HFM1: variants seen among roughly 807,000 people sequenced by gnomAD.
The protein encoded by HFM1 is probable ATP-dependent DNA helicase HFM1.
A neutral mutation model predicts 192.1 loss-of-function variants in HFM1; 169 were observed. The ratio of observed to expected loss-of-function variants is 0.88; its 90% CI spans 0.78 to 1.00. The LOEUF is 1.00. Ranked by LOEUF, HFM1 falls within the 50% of genes least tolerant of loss-of-function variation. The pLI is 0.00. For synonymous variants in HFM1, 525 were observed against 537.8 expected (o/e 0.98, Z 0.33); for missense variants, 1,661 against 1,668.0 (o/e 1.00, Z 0.07).
At chr1:91,284,833 C>T (rs559721489) in intron 30 of HFM1, among the ~76,000 whole-genome samples, 2 of 152,238 alleles carry the variant, frequency 1.3e-5, no homozygotes, top group South Asian at 2.1e-4. Flanking sequence ...GAACTATAAC[C>T]ATATGTGAGA....
At chr1:91,381,687 T>C (rs538420222) in intron 6 of HFM1, among the ~76,000 whole-genome samples, 27 of 152,264 alleles carry the variant, frequency 1.8e-4, no homozygotes, top group African/African-American at 4.1e-4. Flanking sequence ...TTGAACACTA[T>C]ATACAGAATA....
At chr1:91,367,500 G>A (rs1358331770) in intron 13 of HFM1, among the ~76,000 whole-genome samples, 1 of 152,192 alleles carries the variant, frequency 6.6e-6, no homozygotes, top group Non-Finnish European at 1.5e-5. Flanking sequence ...ACAGGGTCTG[G>A]AGTGGACCTC....
chr1:91,329,984 G>A (rs1653566850), intron 20 of HFM1, among the ~76,000 whole-genome samples: 1 of 152,196 alleles, frequency 6.6e-6, no homozygotes, highest in Admixed American at 6.5e-5. Context: ...GCGCATCTTA[G>A]CAGATGGGAG....
intron 30 of HFM1, among the ~76,000 whole-genome samples, chr1:91,303,192 C>T (rs1167516118): frequency 6.6e-6 from 1 of 152,196 alleles, no homozygotes; most frequent in East Asian, 1.9e-4. Context: ...TTCCTGCCCT[C>T]AACCCCTGAC....
intron 13 of HFM1, among the ~76,000 whole-genome samples, chr1:91,366,715 T>G (rs1257190761): frequency 1.3e-5 from 2 of 152,184 alleles, no homozygotes; most frequent in Non-Finnish European, 2.9e-5. Flanking sequence ...GACAGGTGAT[T>G]TCTGCATTTC....
chr1:91,368,300 T>A (rs1301540046), intron 13 of HFM1, among the ~76,000 whole-genome samples: 1 of 152,108 alleles, frequency 6.6e-6, no homozygotes, highest in African/African-American at 2.4e-5. Flanking sequence ...AATTGTCAGA[T>A]TCACCAAAGT....
At chr1:91,357,862 AT>A (rs2101798040) in intron 13 of HFM1, among the ~76,000 whole-genome samples, 1 of 152,232 alleles carries the variant, frequency 6.6e-6, no homozygotes, top group East Asian at 1.9e-4. Flanking sequence ...GCATAAAAAA[AT>A]AAAATGCTTA....
Position 91,385,712 on chromosome 1 carries a change from T to C in HFM1, c.617A>G (p.Tyr206Cys), listed in dbSNP as rs138827341. ...TEMNKGKSRN[Y>C]SNSKQKFQYS... is the part of the protein sequence containing the mutation. ...CTGAAATTTTTGCTTACTATTGCTA[T>C]AGTTCCTTGATTTCCCTTTGTTCAT... Residue 206 changes from tyrosine to cysteine, a missense_variant, in exon 5 of 39, where the codon TAT becomes TGT. Tyr to Cys is a radical substitution (Grantham distance 194). Coordinates refer to ENST00000370425, the MANE Select transcript of HFM1 (RefSeq NM_001017975.6). 4.6e-5 allele frequency: 74 copies of C among 1,612,768 alleles called. No homozygotes were observed. In the African/African-American group the frequency reaches 9.3e-4, roughly 20 times the overall value.
intron 30 of HFM1, among the ~76,000 whole-genome samples, chr1:91,283,066 T>C (rs1177674238): frequency 6.6e-6 from 1 of 152,164 alleles, no homozygotes; most frequent in East Asian, 1.9e-4. Flanking sequence ...ACATGGATAC[T>C]ACCTGACGAA....
chr1:91,273,914 C>T, intron 33 of HFM1, 99 bp from the exon 34 acceptor site: 1 of 681,080 alleles, frequency 1.5e-6, no homozygotes, highest in Non-Finnish European at 2.4e-6. Flanking sequence ...ATGATTTATC[C>T]ATTTAACACT....
Position 91,394,419 on chromosome 1 carries a change from T to A in HFM1, c.185-17A>T. 3.8e-6 allele frequency: 5 copies of A among 1,318,040 alleles called. No homozygotes were observed. The highest frequency in any genetic ancestry group is 5.3e-6 in the Non-Finnish European group (5 of 942,794). The allele number at this position is 1,318,040 out of a possible 1,614,324, so 81.6% of individuals were successfully genotyped here. ...TTTCCTGACCTACAAAAAAGGAATA[T>A]CTTAATTATTACATGTTCTCCATTA... is the stretch of plus-strand genomic sequence containing the variant. On this transcript the variant is annotated splice_polypyrimidine_tract_variant and intron_variant, in intron 3 of 38. Coordinates refer to ENST00000370425, the MANE Select transcript of HFM1 (RefSeq NM_001017975.6).
intron 30 of HFM1, among the ~76,000 whole-genome samples, chr1:91,305,755 A>G (rs1436347795): frequency 6.6e-6 from 1 of 151,936 alleles, no homozygotes; most frequent in Non-Finnish European, 1.5e-5. Context: ...TTTTGTAAAG[A>G]TGGAGTTTCA....
chr1:91,313,570 TA>T (rs1650783869), intron 29 of HFM1, 75 bp from the exon 30 acceptor site: 1 of 995,748 alleles, frequency 1.0e-6, no homozygotes, highest in Admixed American at 2.9e-5. Flanking sequence ...TATTTCTTTT[TA>T]TCTCTCTTAC....
chr1:91,352,398 A>G, intron 16 of HFM1, 108 bp downstream of exon 16: 1 of 766,258 alleles, frequency 1.3e-6, no homozygotes, highest in Non-Finnish European at 2.0e-6. Context: ...TTTCTCTGCT[A>G]TATTACTTTT....
At chr1:91,352,444 T>C (rs1657068244) in intron 16 of HFM1, 62 bp downstream of exon 16, 2 of 1,280,614 alleles carry the variant, frequency 1.6e-6, no homozygotes, top group South Asian at 1.6e-5. Context: ...AATCAAAAAA[T>C]ACACAATTTT....
At chr1:91,384,047 CTAAGA>C (rs1159624908) in intron 6 of HFM1, among the ~76,000 whole-genome samples, 14 of 152,226 alleles carry the variant, frequency 9.2e-5, no homozygotes, top group African/African-American at 3.4e-4. Context: ...TGATATGATT[CTAAGA>C]TAACTATCTA....
At chr1:91,322,210 T>C (rs1262792850) in intron 23 of HFM1, among the ~76,000 whole-genome samples, 2 of 152,202 alleles carry the variant, frequency 1.3e-5, no homozygotes, top group South Asian at 2.1e-4. Context: ...GACTGTCTTA[T>C]AGACGTAAAG....
chr1:91,304,465 T>C (rs1649314051), intron 30 of HFM1, among the ~76,000 whole-genome samples: 1 of 150,016 alleles, frequency 6.7e-6, no homozygotes, highest in Non-Finnish European at 1.5e-5. Context: ...TATAGGTTTT[T>C]GTTTGTTTGT....
At chr1:91,289,191 G>A (rs1668397247) in intron 30 of HFM1, among the ~76,000 whole-genome samples, 1 of 151,542 alleles carries the variant, frequency 6.6e-6, no homozygotes, top group Non-Finnish European at 1.5e-5. Context: ...ACGGGGTGGT[G>A]GCGGGGCAGA....
Sources: gnomAD v4.1 joint callset for allele counts (sites outside exome capture counted in the v4.1 genomes callset) on GRCh38, gnomAD v4.1.1 for gene constraint, MANE v1.5 for transcripts, NCBI Gene and HGNC (gene_info 2026-07-23, HGNC 2026-07-21) for gene names.